The following COL4A4 variants were observed in gnomAD, a reference collection of about 807,000 sequenced individuals.
The protein encoded by COL4A4 is collagen type IV alpha 4 chain.
Under a neutral mutation model 192.9 loss-of-function variants are expected in COL4A4, and 105 were observed. That is an observed-to-expected ratio of 0.54 (90% CI 0.46 to 0.64). The LOEUF is 0.64. Ranked by LOEUF, COL4A4 falls within the 30% of genes least tolerant of loss-of-function variation. COL4A4 has a pLI of 0.00. For missense variants in COL4A4, 1,967 were observed against 2,169.3 expected (o/e 0.91, Z 1.85); for synonymous variants, 762 against 769.9 (o/e 0.99, Z 0.17).
chr2:227,076,003 A>G (rs1375694797), intron 25 of COL4A4, among the ~76,000 whole-genome samples: 2 of 152,226 alleles, frequency 1.3e-5, no homozygotes, highest in Non-Finnish European at 2.9e-5. Flanking sequence ...AAACAAATGG[A>G]AAAACATTAT....
At chr2:226,990,234 A>C in the COL4A4 span, among the ~76,000 whole-genome samples, 1 of 152,180 alleles carries the variant, frequency 6.6e-6, no homozygotes, top group Non-Finnish European at 1.5e-5. Flanking sequence ...TAAATGACTT[A>C]ACAACCATCC....
intron 4 of COL4A4, among the ~76,000 whole-genome samples, chr2:227,134,761 G>T (rs191923352): frequency 2.0e-5 from 3 of 152,202 alleles, no homozygotes; most frequent in Non-Finnish European, 2.9e-5. Context: ...ACTCACTCAC[G>T]TTTGATTTTG....
At chr2:227,144,355 T>C (rs1252334099) in intron 3 of COL4A4, among the ~76,000 whole-genome samples, 161 bp downstream of exon 3, 3 of 152,260 alleles carry the variant, frequency 2.0e-5, no homozygotes, top group East Asian at 1.9e-4. Flanking sequence ...GTCTTGACTA[T>C]ACAATATAAA....
At chr2:227,055,633 G>C (rs1252911210) in intron 30 of COL4A4, among the ~76,000 whole-genome samples, 1 of 152,170 alleles carries the variant, frequency 6.6e-6, no homozygotes, top group Non-Finnish European at 1.5e-5. Context: ...CAGGGGGTAG[G>C]GATGAGAGTG....
the COL4A4 span, among the ~76,000 whole-genome samples, chr2:226,979,412 C>G: frequency 3.8e-4 from 58 of 152,104 alleles, no homozygotes; most frequent in Non-Finnish European, 6.0e-4. Flanking sequence ...CAATTGAATC[C>G]CAGGTCACCA....
intron 19 of COL4A4, among the ~76,000 whole-genome samples, chr2:227,094,913 G>A (rs941151012): frequency 3.9e-5 from 6 of 152,094 alleles, no homozygotes; most frequent in Non-Finnish European, 7.4e-5. Flanking sequence ...AAAAATAAGT[G>A]ATGTATAAAG....
At chr2:227,019,462 TGCCTGGTTATTAG>T (rs1965558545) in intron 44 of COL4A4, among the ~76,000 whole-genome samples, 1 of 152,240 alleles carries the variant, frequency 6.6e-6, no homozygotes, top group East Asian at 1.9e-4. Flanking sequence ...AACTCCTAGA[TGCCTGGTTATTAG>T]GCCAACCAGC....
rs185239265 is a variant in COL4A4 at position 227,036,708 on chromosome 2, G to A, written c.3506-3227C>T. ...CTGGCAGGTGCTGTCAAGACGATGC[G>A]GGACAAGTCTGTCCCTGACTTGACA... is the stretch of plus-strand genomic sequence containing the variant. On this transcript the variant is annotated intron_variant, in intron 37 of 47. Coordinates refer to ENST00000396625, the MANE Select transcript of COL4A4 (RefSeq NM_000092.5). Among the ~76,000 whole-genome samples, 572 of 152,220 alleles carry A rather than the reference G, an allele frequency of 3.8e-3. 3 individuals are homozygous for A. The highest frequency in any genetic ancestry group is 6.2e-3 in the Non-Finnish European group (420 of 68,014).
At chr2:227,086,270 A>C (rs1206419259) in intron 22 of COL4A4, among the ~76,000 whole-genome samples, 6 of 152,316 alleles carry the variant, frequency 3.9e-5, no homozygotes, top group Middle Eastern at 3.4e-3. Flanking sequence ...GCCAGAGACA[A>C]GCAGACCATC....
chr2:226,977,027 G>A, the COL4A4 span, among the ~76,000 whole-genome samples: 48 of 152,180 alleles, frequency 3.2e-4, no homozygotes, highest in Admixed American at 1.8e-3. Flanking sequence ...CTTCAGGCTG[G>A]GATAAGGCTG....
chr2:226,982,014 A>G, the COL4A4 span, among the ~76,000 whole-genome samples: 1 of 152,240 alleles, frequency 6.6e-6, no homozygotes, highest in Admixed American at 6.5e-5. Context: ...CTGCCTCTCA[A>G]AATTCATGGC....
intron 4 of COL4A4, among the ~76,000 whole-genome samples, chr2:227,133,042 A>C (rs1435463368): frequency 6.6e-6 from 1 of 152,168 alleles, no homozygotes; most frequent in African/African-American, 2.4e-5. Context: ...TTTTGAGTGC[A>C]CCTGTATCGC....
intron 17 of COL4A4, 84 bp from the exon 18 acceptor site, chr2:227,099,773 A>T: frequency 8.7e-7 from 1 of 1,152,194 alleles, no homozygotes; most frequent in Non-Finnish European, 1.3e-6. Context: ...TAGAACGATC[A>T]TGTGCACATT....
At chr2:227,042,040 G>T in intron 37 of COL4A4, 108 bp downstream of exon 37, 1 of 787,604 alleles carries the variant, frequency 1.3e-6, no homozygotes, top group Non-Finnish European at 2.3e-6. Flanking sequence ...ACGGAAAAGA[G>T]TGGTATAACC....
At chr2:227,141,985 A>G (rs1034503526) in intron 3 of COL4A4, among the ~76,000 whole-genome samples, 2 of 152,018 alleles carry the variant, frequency 1.3e-5, no homozygotes, top group Non-Finnish European at 2.9e-5. Flanking sequence ...CTTGATAATA[A>G]GGGCAAGTTT....
intron 35 of COL4A4, among the ~76,000 whole-genome samples, chr2:227,046,888 T>C (rs563433399): frequency 6.6e-6 from 1 of 152,144 alleles, no homozygotes; most frequent in African/African-American, 2.4e-5. Context: ...AAGGATTCCA[T>C]GTTAAATTAT....
At chr2:227,156,395 TA>T (rs5839193) in intron 1 of COL4A4, among the ~76,000 whole-genome samples, 4,840 of 135,050 alleles carry the variant, frequency 0.036, 114 homozygotes, top group Non-Finnish European at 0.046. Flanking sequence ...AAACCCCGTC[TA>T]AAAAAAAAAA....
At chr2:227,025,768 G>A (rs949266187) in intron 43 of COL4A4, 34 bp downstream of exon 43, 2 of 1,597,966 alleles carry the variant, frequency 1.3e-6, no homozygotes, top group East Asian at 2.2e-5. Context: ...AAACCAGAGT[G>A]AGGGGAAATT....
intron 7 of COL4A4, 47 bp downstream of exon 7, chr2:227,118,598 G>T: frequency 7.4e-7 from 1 of 1,351,924 alleles, no homozygotes; most frequent in Non-Finnish European, 1.1e-6. Context: ...CCACCACAGG[G>T]CCTGTTCACT....
Sources: gnomAD v4.1 joint callset for allele counts (sites outside exome capture counted in the v4.1 genomes callset) on GRCh38, gnomAD v4.1.1 for gene constraint, MANE v1.5 for transcripts, NCBI Gene and HGNC (gene_info 2026-07-23, HGNC 2026-07-21) for gene names.